Variants in RFPL1 observed in about 807,000 individuals in gnomAD.
RFPL1 encodes ret finger protein like 1.
RFPL1 carries 6 observed loss-of-function variants against 9.6 expected under a neutral mutation model. That is an observed-to-expected ratio of 0.62 (90% CI 0.34 to 1.23). The LOEUF (loss-of-function observed/expected upper bound fraction) is 1.23. Ranked by LOEUF, RFPL1 falls within the 50% of genes most tolerant of loss-of-function variation. The probability of loss-of-function intolerance (pLI) is 0.03; values close to 1 mark genes in which losing one functional copy is unlikely to be tolerated. For missense variants in RFPL1, 352 were observed against 398.4 expected (o/e 0.88, Z 0.99); for synonymous variants, 145 against 149.4 (o/e 0.97, Z 0.22).
chr22:29,410,417 AGATATATATATTG>A, the RFPL1 span, among the ~76,000 whole-genome samples: 2 of 87,376 alleles, frequency 2.3e-5, no homozygotes, highest in East Asian at 3.5e-4. Flanking sequence ...CTATATATAT[AGATATATATATTG>A]TAGATATATA....
the RFPL1 span, among the ~76,000 whole-genome samples, chr22:29,410,795 G>T: frequency 6.6e-6 from 1 of 151,080 alleles, no homozygotes; most frequent in Admixed American, 6.6e-5. Flanking sequence ...TGGGATTACG[G>T]ACGCCTGCCA....
At chr22:29,441,615 T>C (rs1439981899) in exon 2 of RFPL1, 3 of 1,613,896 alleles carry the variant, frequency 1.9e-6, no homozygotes, top group Non-Finnish European at 1.7e-6. Context: ...GCGTCCGAAG[T>C]GGGTGCATCA....
chr22:29,416,326 C>T, the RFPL1 span, among the ~76,000 whole-genome samples: 2 of 151,890 alleles, frequency 1.3e-5, no homozygotes, highest in Admixed American at 6.6e-5. Flanking sequence ...GTCAGGGGTT[C>T]AGCTTTCCTG....
At chr22:29,408,299 G>C in the RFPL1 span, among the ~76,000 whole-genome samples, 4 of 152,176 alleles carry the variant, frequency 2.6e-5, no homozygotes. Flanking sequence ...GGTTGCCCTA[G>C]CTGGAAAGCC....
At chr22:29,389,362 T>G in the RFPL1 span, among the ~76,000 whole-genome samples, 1 of 151,612 alleles carries the variant, frequency 6.6e-6, no homozygotes, top group Non-Finnish European at 1.5e-5. Context: ...CACTCCAGCC[T>G]GGGCGACAGA....
At chr22:29,405,838 G>A in the RFPL1 span, among the ~76,000 whole-genome samples, 3 of 152,038 alleles carry the variant, frequency 2.0e-5, no homozygotes, top group South Asian at 2.1e-4. Context: ...GGCCGGGCGC[G>A]GTGGCTCACG....
At chr22:29,412,489 G>A in the RFPL1 span, among the ~76,000 whole-genome samples, 2 of 152,100 alleles carry the variant, frequency 1.3e-5, no homozygotes, top group Non-Finnish European at 2.9e-5. Flanking sequence ...CCAGGTCATC[G>A]AATCCACAAC....
At chr22:29,414,004 GT>G in the RFPL1 span, among the ~76,000 whole-genome samples, 1 of 152,136 alleles carries the variant, frequency 6.6e-6, no homozygotes, top group Non-Finnish European at 1.5e-5. Flanking sequence ...CACATAAACT[GT>G]TTCTTCAATA....
intron 1 of RFPL1, 190 bp downstream of exon 1, chr22:29,439,354 C>T (rs1412848022): frequency 2.2e-6 from 2 of 924,358 alleles, no homozygotes; most frequent in Admixed American, 5.7e-5. Context: ...AAAAGGCTGG[C>T]TGGGCATGGT....
At chr22:29,412,918 A>G in the RFPL1 span, among the ~76,000 whole-genome samples, 2 of 152,204 alleles carry the variant, frequency 1.3e-5, no homozygotes, top group South Asian at 4.2e-4. Flanking sequence ...CAGGGTGTGC[A>G]GGGCCATGCT....
the RFPL1 span, among the ~76,000 whole-genome samples, chr22:29,396,524 G>T: frequency 7.2e-5 from 11 of 152,184 alleles, no homozygotes; most frequent in Non-Finnish European, 1.6e-4. Context: ...ACTAACATAG[G>T]TTGGTTGTGC....
the RFPL1 span, among the ~76,000 whole-genome samples, chr22:29,431,159 A>T: frequency 2.0e-5 from 3 of 152,136 alleles, no homozygotes; most frequent in African/African-American, 7.2e-5. Flanking sequence ...GGAGAACCTA[A>T]TGGAGGAGAC....
the RFPL1 span, chr22:29,388,463 G>T: frequency 6.6e-6 from 1 of 152,198 alleles, no homozygotes; most frequent in Non-Finnish European, 1.5e-5. Flanking sequence ...GGCTCGGTTC[G>T]GCTTGGCACC....
upstream of RFPL1, chr22:29,434,959 A>C (rs1424603853): frequency 2.0e-5 from 3 of 152,234 alleles, no homozygotes; most frequent in African/African-American, 7.2e-5. Flanking sequence ...TCCTGTGATT[A>C]ATCTTGGCAT....
At position 29,438,586 on chromosome 22, in the gene RFPL1, G is replaced by A. The variant is rs149138565; in HGVS notation, c.-206G>A. On this transcript the variant is annotated 5_prime_UTR_variant, in exon 1 of 2. It adds an upstream start codon to the 5' untranslated region. Coordinates refer to ENST00000354373, the Ensembl canonical transcript of RFPL1. Reference sequence around the variant, plus strand: ...CGCTGTTCCTCACATGGGTGCTGCCGTGTCACTGGCTCAGGCTCAGTTGCT... The same window carrying A: ...CGCTGTTCCTCACATGGGTGCTGCCATGTCACTGGCTCAGGCTCAGTTGCT... 469 of 1,415,678 alleles carry A rather than the reference G, an allele frequency of 3.3e-4. No individual in the cohort carries two copies. The African/African-American group carries it at 5.2e-3, about 16-fold the overall frequency. 87.7% of individuals were successfully genotyped at this position (1,415,678 alleles called of 1,614,324 possible).
chr22:29,433,403 G>A, the RFPL1 span: 2 of 152,210 alleles, frequency 1.3e-5, no homozygotes, highest in African/African-American at 2.4e-5. Context: ...AGCCCAATGG[G>A]GATGATGTAT....
At chr22:29,427,626 C>G in the RFPL1 span, among the ~76,000 whole-genome samples, 7,079 of 152,262 alleles carry the variant, frequency 0.046, 234 homozygotes, top group Non-Finnish European at 0.077. Flanking sequence ...TGCCAATGCC[C>G]TGCTGCTAAA....
At chr22:29,417,133 G>C in the RFPL1 span, among the ~76,000 whole-genome samples, 56 of 152,186 alleles carry the variant, frequency 3.7e-4, no homozygotes, top group East Asian at 1.7e-3. Context: ...AGGAAGAATG[G>C]GGAGGAGGGA....
chr22:29,416,449 C>T, the RFPL1 span, among the ~76,000 whole-genome samples: 1 of 152,086 alleles, frequency 6.6e-6, no homozygotes, highest in South Asian at 2.1e-4. Flanking sequence ...CCCAGCTGAC[C>T]GTCCTAAAGA....
Sources: allele counts gnomAD v4.1 joint callset (sites outside exome capture counted in the v4.1 genomes callset), GRCh38; gene constraint gnomAD v4.1.1; transcripts MANE v1.5; gene names NCBI Gene and HGNC (gene_info 2026-07-23, HGNC 2026-07-21).